Variants in ROBO1 observed in about 807,000 individuals in gnomAD.
The protein encoded by ROBO1 is roundabout homolog 1.
Under a neutral mutation model 195.9 loss-of-function variants are expected in ROBO1, and 149 were observed. The observed-to-expected ratio is 0.76, with a 90% CI of 0.67 to 0.87. The LOEUF (loss-of-function observed/expected upper bound fraction) is 0.87. Ranked by LOEUF, ROBO1 falls within the 40% of genes least tolerant of loss-of-function variation. The pLI is 0.00. For synonymous variants in ROBO1, 816 were observed against 733.2 expected (o/e 1.11, Z -1.82); for missense variants, 1,933 against 2,068.3 (o/e 0.93, Z 1.27).
At chr3:79,736,243 G>C (rs75958832) in intron 1 of ROBO1, among the ~76,000 whole-genome samples, 162 of 152,250 alleles carry the variant, frequency 1.1e-3, no homozygotes, top group African/African-American at 3.8e-3. Flanking sequence ...TGCATCCAAA[G>C]GATAGAGAGC....
chr3:79,753,351 G>A lies in ROBO1; in HGVS notation c.-51+14401C>T, dbSNP rs575793997. 5.3e-5 allele frequency among the ~76,000 whole-genome samples: 8 copies of A among 152,124 alleles called. No individual in the cohort carries two copies. The East Asian group carries it at 5.8e-4, about 11-fold the overall frequency. On this transcript the variant is annotated intron_variant, in intron 1 of 30. Transcript: ENST00000464233. ...ATAGCTAAATTGAGAGCCTCTGTCA[G>A]GGTGATCTATTTGCAAGAAGTCTTT...
chr3:79,410,769 G>A (rs766669153), intron 2 of ROBO1, among the ~76,000 whole-genome samples: 4 of 152,056 alleles, frequency 2.6e-5, no homozygotes, highest in Non-Finnish European at 5.9e-5. Flanking sequence ...TGGGAAATTC[G>A]GTTGGCAGCA....
intron 1 of ROBO1, among the ~76,000 whole-genome samples, chr3:79,627,335 G>A (rs1231494450): frequency 6.6e-6 from 1 of 152,090 alleles, no homozygotes; most frequent in Non-Finnish European, 1.5e-5. Flanking sequence ...AGAGACCTCA[G>A]AAATAACACC....
rs533738437 is a variant in ROBO1 at position 79,136,378 on chromosome 3, G to A, written c.89-10839C>T. 2.6e-5 allele frequency among the ~76,000 whole-genome samples: 4 copies of A among 152,232 alleles called. No homozygotes were observed. In the East Asian group the frequency reaches 7.7e-4, roughly 29 times the overall value. ...CCTTTTGCCCTACTTACTATAAAGT[G>A]TCAAGCTAGTTTCTTTATAGATTTG... On this transcript the variant is annotated intron_variant, in intron 2 of 30. Transcript: ENST00000464233.
chr3:79,612,497 C>T (rs932046674), intron 1 of ROBO1, among the ~76,000 whole-genome samples: 19 of 151,976 alleles, frequency 1.3e-4, no homozygotes, highest in African/African-American at 4.1e-4. Context: ...CATACGGGTG[C>T]ATGTGTCTTT....
intron 2 of ROBO1, among the ~76,000 whole-genome samples, chr3:79,445,662 A>ATTTT (rs375526795): frequency 7.5e-6 from 1 of 134,108 alleles, no homozygotes; most frequent in South Asian, 2.4e-4. Flanking sequence ...AGGCCTGGCA[A>ATTTT]TTTTTTTTTT....
intron 2 of ROBO1, among the ~76,000 whole-genome samples, chr3:79,170,649 T>C (rs1238336237): frequency 6.6e-6 from 1 of 152,086 alleles, no homozygotes; most frequent in Non-Finnish European, 1.5e-5. Context: ...AGGTAAAAAA[T>C]GTTGCCTCAC....
chr3:79,754,341 G>A (rs1430792177), intron 1 of ROBO1, among the ~76,000 whole-genome samples: 1 of 152,154 alleles, frequency 6.6e-6, no homozygotes, highest in African/African-American at 2.4e-5. Flanking sequence ...ACCTGAGGGT[G>A]GAAATCACTT....
intron 5 of ROBO1, among the ~76,000 whole-genome samples, chr3:78,719,398 A>C (rs1022554478): frequency 6.6e-5 from 10 of 152,198 alleles, no homozygotes; most frequent in African/African-American, 2.2e-4. Context: ...ACGTCACACA[A>C]AAAAAACACG....
chr3:79,040,770 T>A (rs1304671688), intron 3 of ROBO1, among the ~76,000 whole-genome samples: 1 of 152,204 alleles, frequency 6.6e-6, no homozygotes. Context: ...AATTCCTAGC[T>A]CTTGATCACC....
chr3:78,605,530 A>G (rs1294576313), intron 29 of ROBO1, among the ~76,000 whole-genome samples: 2 of 152,196 alleles, frequency 1.3e-5, no homozygotes, highest in Non-Finnish European at 2.9e-5. Context: ...ATAAATAGTT[A>G]CCGGCATTAT....
At chr3:79,020,748 G>A (rs902414682) in intron 3 of ROBO1, among the ~76,000 whole-genome samples, 1 of 152,008 alleles carries the variant, frequency 6.6e-6, no homozygotes, top group Admixed American at 6.6e-5. Flanking sequence ...CTAACATGCC[G>A]AATGCTGAAT....
chr3:79,235,744 A>T (rs2082395784), intron 2 of ROBO1, among the ~76,000 whole-genome samples: 1 of 152,094 alleles, frequency 6.6e-6, no homozygotes, highest in Non-Finnish European at 1.5e-5. Context: ...TCTTCAATTT[A>T]TCTCTTGCAG....
intron 4 of ROBO1, among the ~76,000 whole-genome samples, chr3:78,800,089 C>T (rs758129179): frequency 1.3e-5 from 2 of 152,156 alleles, no homozygotes; most frequent in African/African-American, 2.4e-5. Context: ...GTGCTGCTCA[C>T]GTTCCTAGAG....
chr3:78,670,477 C>T, intron 10 of ROBO1, 176 bp from the exon 11 acceptor site: 2 of 600,754 alleles, frequency 3.3e-6, no homozygotes, highest in South Asian at 4.1e-5. Flanking sequence ...ATTCAGAATA[C>T]TAAAATGAGA....
intron 4 of ROBO1, among the ~76,000 whole-genome samples, chr3:78,936,929 ACCTTTACT>A (rs1479233191): frequency 2.0e-5 from 3 of 152,116 alleles, no homozygotes; most frequent in Admixed American, 2.0e-4. Context: ...TAGTTCTGAG[ACCTTTACT>A]GAGAATCAAG....
intron 1 of ROBO1, among the ~76,000 whole-genome samples, chr3:79,590,787 T>A (rs936588848): frequency 1.3e-5 from 2 of 148,478 alleles, no homozygotes; most frequent in African/African-American, 5.1e-5. Context: ...CATGGTATAT[T>A]TATTTATATA....
At chr3:78,630,270 A>G (rs1705104096) in intron 25 of ROBO1, among the ~76,000 whole-genome samples, 1 of 152,216 alleles carries the variant, frequency 6.6e-6, no homozygotes, top group Admixed American at 6.5e-5. Context: ...ATGGTTCAAC[A>G]TTTGCTAACT....
chr3:79,741,642 T>C (rs1026687103), intron 1 of ROBO1, among the ~76,000 whole-genome samples: 1 of 152,094 alleles, frequency 6.6e-6, no homozygotes, highest in Non-Finnish European at 1.5e-5. Flanking sequence ...TATAAAGATA[T>C]CTGAAAATGC....
Sources: allele counts gnomAD v4.1 joint callset (sites outside exome capture counted in the v4.1 genomes callset), GRCh38; gene constraint gnomAD v4.1.1; transcripts MANE v1.5; gene names NCBI Gene and HGNC (gene_info 2026-07-23, HGNC 2026-07-21).